SMOC2: variants seen among roughly 807,000 people sequenced by gnomAD.
SMOC2 encodes the protein SPARC related modular calcium binding 2.
SMOC2 carries 39 observed loss-of-function variants against 61.4 expected under a neutral mutation model. The observed-to-expected ratio is 0.64, with a 90% CI of 0.49 to 0.83. The LOEUF (loss-of-function observed/expected upper bound fraction) is 0.83, where lower values mean the gene tolerates loss of function less well. SMOC2 is among the 40% of genes least tolerant of loss of function. SMOC2 has a pLI of 0.00. For synonymous variants in SMOC2, 247 were observed against 239.9 expected, an observed-to-expected ratio of 1.03 and a Z score of -0.27; for missense variants, 556 against 592.9, an observed-to-expected ratio of 0.94 and a Z score of 0.65.
chr6:168,513,342 G>T (rs375501764), intron 2 of SMOC2, among the ~76,000 whole-genome samples: 16,830 of 151,200 alleles, frequency 0.11, 1,099 homozygotes, highest in South Asian at 0.2. Context: ...GTCCTTATAG[G>T]TTTTTTTTTC....
At chr6:168,597,093 C>T (rs368707986) in intron 7 of SMOC2, among the ~76,000 whole-genome samples, 10 of 152,290 alleles carry the variant, frequency 6.6e-5, no homozygotes, top group South Asian at 4.1e-4. Context: ...CTGAGTACAG[C>T]GTATGAGGTT....
At chr6:168,508,134 G>A (rs1208251915) in intron 1 of SMOC2, among the ~76,000 whole-genome samples, 1 of 152,186 alleles carries the variant, frequency 6.6e-6, no homozygotes, top group Non-Finnish European at 1.5e-5. Context: ...GCCCTACCTG[G>A]CTTTGAGTCC....
At chr6:168,633,605 G>T (rs150832895) in intron 9 of SMOC2, among the ~76,000 whole-genome samples, 55 of 152,262 alleles carry the variant, frequency 3.6e-4, no homozygotes, top group African/African-American at 1.2e-3. Flanking sequence ...ACAATGCTTG[G>T]CCACTTGTCA....
At chr6:168,488,611 G>A (rs150061415) in intron 1 of SMOC2, among the ~76,000 whole-genome samples, 1 of 152,352 alleles carries the variant, frequency 6.6e-6, no homozygotes, top group Non-Finnish European at 1.5e-5. Flanking sequence ...CAGAGATCAG[G>A]ACCCAGGTTC....
At chr6:168,525,042 G>C (rs1455242875) in intron 2 of SMOC2, among the ~76,000 whole-genome samples, 1 of 152,254 alleles carries the variant, frequency 6.6e-6, no homozygotes, top group East Asian at 1.9e-4. Flanking sequence ...ATTTGAAGAA[G>C]AGTCCTTGGA....
At chr6:168,657,133 C>T (rs893489836) in intron 11 of SMOC2, among the ~76,000 whole-genome samples, 2 of 152,262 alleles carry the variant, frequency 1.3e-5, no homozygotes, top group Non-Finnish European at 2.9e-5. Flanking sequence ...AAGAGGGGCA[C>T]TAAATGTGCT....
chr6:168,552,811 T>A (rs1784156175), intron 7 of SMOC2, among the ~76,000 whole-genome samples: 1 of 150,760 alleles, frequency 6.6e-6, no homozygotes, highest in Non-Finnish European at 1.5e-5. Flanking sequence ...GGATTTAGAT[T>A]GGCAAAGACC....
At chr6:168,476,405 C>T (rs963350192) in intron 1 of SMOC2, among the ~76,000 whole-genome samples, 1 of 151,950 alleles carries the variant, frequency 6.6e-6, no homozygotes, top group African/African-American at 2.4e-5. Flanking sequence ...CCTGTAATAT[C>T]ACTACTAAGA....
intron 1 of SMOC2, among the ~76,000 whole-genome samples, chr6:168,456,843 G>A (rs959835063): frequency 7.9e-5 from 12 of 152,152 alleles, no homozygotes; most frequent in African/African-American, 2.9e-4. Flanking sequence ...AAGAAGCCTG[G>A]GCTGCTCCAT....
At chr6:168,588,554 G>C (rs1785098929) in intron 7 of SMOC2, among the ~76,000 whole-genome samples, 1 of 152,164 alleles carries the variant, frequency 6.6e-6, no homozygotes, top group Non-Finnish European at 1.5e-5. Flanking sequence ...TTCAACACAG[G>C]AATTTTGAGG....
rs559591534 is a variant in SMOC2, at chr6:168,601,613, A to G, written c.824+2609A>G. 9.1e-4 allele frequency among the ~76,000 whole-genome samples: 139 copies of G among 152,292 alleles called. 1 individual carries two copies. Among genetic ancestry groups the G allele is most frequent in the Middle Eastern group, 3.4e-3 (1 of 294 alleles). ...GAGCTCTGGCTGGTTTACAGTGCAT[A>G]TAAGTTGGGGCAGCCCCAGCCCCCA... is the stretch of plus-strand genomic sequence containing the variant. On this transcript the variant is annotated intron_variant, in intron 8 of 12. Coordinates refer to ENST00000356284, the MANE Select transcript of SMOC2 (RefSeq NM_001166412.2).
At chr6:168,625,708 C>T (rs1311615357) in intron 9 of SMOC2, among the ~76,000 whole-genome samples, 8 of 152,286 alleles carry the variant, frequency 5.3e-5, no homozygotes, top group South Asian at 4.1e-4. Flanking sequence ...TGCCTGTGTC[C>T]GTGTGAGCCC....
chr6:168,523,099 T>TTTTTTTTTTTA, intron 2 of SMOC2, among the ~76,000 whole-genome samples: 1 of 120,022 alleles, frequency 8.3e-6, no homozygotes, highest in Non-Finnish European at 1.9e-5. Context: ...TTTTTTTTTT[T>TTTTTTTTTTTA]GAGACGGAGT....
intron 7 of SMOC2, among the ~76,000 whole-genome samples, chr6:168,572,068 TGCCGGGACCAGG>T (rs1784682110): frequency 2.7e-5 from 1 of 37,232 alleles, no homozygotes; most frequent in Non-Finnish European, 4.6e-5. Flanking sequence ...CATCCCCGGG[TGCCGGGACCAGG>T]GCTGCGTGCT....
At chr6:168,490,597 G>A (rs1050604529) in intron 1 of SMOC2, among the ~76,000 whole-genome samples, 5 of 152,166 alleles carry the variant, frequency 3.3e-5, no homozygotes, top group African/African-American at 4.8e-5. Flanking sequence ...ATTGCTCCTT[G>A]CAAGCCCCTA....
intron 8 of SMOC2, among the ~76,000 whole-genome samples, chr6:168,602,538 C>T (rs150561207): frequency 3.2e-4 from 48 of 152,316 alleles, no homozygotes; most frequent in Non-Finnish European, 5.3e-4. Context: ...CCAGACCTGC[C>T]TTGGACTGGG....
intron 7 of SMOC2, among the ~76,000 whole-genome samples, chr6:168,574,197 G>T (rs1177446745): frequency 1.3e-5 from 2 of 152,276 alleles, no homozygotes; most frequent in Non-Finnish European, 2.9e-5. Flanking sequence ...TCCAGCACCA[G>T]GAAGATGGGA....
chr6:168,601,302 G>A (rs1785548625), intron 8 of SMOC2, among the ~76,000 whole-genome samples: 1 of 152,174 alleles, frequency 6.6e-6, no homozygotes, highest in Non-Finnish European at 1.5e-5. Flanking sequence ...CCCCTTCCTG[G>A]CCAGCGCTCC....
intron 4 of SMOC2, among the ~76,000 whole-genome samples, chr6:168,532,431 T>TC (rs1554235920): frequency 2.7e-5 from 4 of 147,448 alleles, no homozygotes; most frequent in South Asian, 2.3e-4. Flanking sequence ...CTCACCACCC[T>TC]CCCCCCCTCC....
Sources: allele counts gnomAD v4.1 joint callset (sites outside exome capture counted in the v4.1 genomes callset), GRCh38; gene constraint gnomAD v4.1.1; transcripts MANE v1.5; gene names NCBI Gene and HGNC (gene_info 2026-07-23, HGNC 2026-07-21).